NCKAP5: variants seen among roughly 807,000 people sequenced by gnomAD.
The protein encoded by NCKAP5 is nck-associated protein 5.
Under a neutral mutation model 167.0 loss-of-function variants are expected in NCKAP5, and 92 were observed. That is an observed-to-expected ratio of 0.55 (90% CI 0.47 to 0.66). NCKAP5 has a LOEUF of 0.66. Ranked by LOEUF, NCKAP5 falls within the 30% of genes least tolerant of loss-of-function variation. The probability of loss-of-function intolerance (pLI) is 0.00; values close to 1 mark genes in which losing one functional copy is unlikely to be tolerated. For synonymous variants in NCKAP5, 891 were observed against 877.4 expected (o/e 1.02, Z -0.27); for missense variants, 2,378 against 2,315.0 (o/e 1.03, Z -0.56).
chr2:132,973,278 A>G (rs1391247533), intron 7 of NCKAP5, among the ~76,000 whole-genome samples: 1 of 152,194 alleles, frequency 6.6e-6, no homozygotes, highest in African/African-American at 2.4e-5. Flanking sequence ...TTTGACAGTC[A>G]ACCTTCTTGC....
At chr2:133,647,360 G>GAAAGA in the NCKAP5 span, among the ~76,000 whole-genome samples, 1,985 of 99,668 alleles carry the variant, frequency 0.02, 150 homozygotes, top group East Asian at 0.088. Context: ...GGAAAGAAAG[G>GAAAGA]AAGGAAGGAA....
intron 6 of NCKAP5, among the ~76,000 whole-genome samples, chr2:133,082,939 C>T (rs1464387506): frequency 6.6e-6 from 1 of 152,120 alleles, no homozygotes; most frequent in Non-Finnish European, 1.5e-5. Flanking sequence ...GCAAATGCCA[C>T]ATCCCACTCT....
chr2:133,636,063 G>C, the NCKAP5 span, among the ~76,000 whole-genome samples: 2 of 152,236 alleles, frequency 1.3e-5, no homozygotes, highest in Non-Finnish European at 2.9e-5. Flanking sequence ...CACAGAGCTT[G>C]ATAGCTGAGG....
the NCKAP5 span, among the ~76,000 whole-genome samples, chr2:133,606,974 T>C: frequency 5.3e-5 from 8 of 152,138 alleles, no homozygotes; most frequent in Non-Finnish European, 1.2e-4. Flanking sequence ...TTCATCCACC[T>C]AGGATATCAG....
chr2:133,533,155 T>C (rs1444360100), intron 2 of NCKAP5, among the ~76,000 whole-genome samples: 1 of 152,196 alleles, frequency 6.6e-6, no homozygotes, highest in Non-Finnish European at 1.5e-5. Flanking sequence ...AAATGACTAA[T>C]ATGTTGGGAA....
At chr2:132,973,672 T>C (rs952671811) in intron 7 of NCKAP5, among the ~76,000 whole-genome samples, 3 of 152,050 alleles carry the variant, frequency 2.0e-5, no homozygotes, top group African/African-American at 7.2e-5. Context: ...AATAAAACTT[T>C]CGTGCTTCTT....
chr2:133,303,888 C>T (rs1680586498), intron 3 of NCKAP5, among the ~76,000 whole-genome samples: 1 of 152,180 alleles, frequency 6.6e-6, no homozygotes, highest in African/African-American at 2.4e-5. Flanking sequence ...ATGGTGTTTC[C>T]TTTGCTAACC....
intron 8 of NCKAP5, among the ~76,000 whole-genome samples, chr2:132,908,344 T>C (rs953234224): frequency 1.3e-5 from 2 of 152,184 alleles, no homozygotes; most frequent in African/African-American, 2.4e-5. Flanking sequence ...TTCTTTTCTT[T>C]CTTTCCTAAG....
intron 19 of NCKAP5, among the ~76,000 whole-genome samples, chr2:132,697,400 C>G (rs773181450): frequency 2.0e-5 from 3 of 152,208 alleles, no homozygotes; most frequent in Admixed American, 6.5e-5. Context: ...TCATCTTTGT[C>G]ATTCTTCACT....
chr2:133,443,318 G>A (rs947924203), intron 3 of NCKAP5, among the ~76,000 whole-genome samples: 6 of 152,098 alleles, frequency 3.9e-5, no homozygotes, highest in Admixed American at 6.5e-5. Flanking sequence ...CCTTTGCTCC[G>A]GATAGTTCTC....
intron 4 of NCKAP5, among the ~76,000 whole-genome samples, chr2:133,287,595 T>C (rs537671420): frequency 4.6e-4 from 70 of 152,340 alleles, no homozygotes; most frequent in African/African-American, 1.6e-3. Flanking sequence ...TAGTCATCAT[T>C]TGATGTGTAA....
At chr2:133,299,445 G>A (rs187571546) in intron 4 of NCKAP5, among the ~76,000 whole-genome samples, 1 of 152,002 alleles carries the variant, frequency 6.6e-6, no homozygotes, top group Non-Finnish European at 1.5e-5. Context: ...ATGCCGCAAG[G>A]AGATGAAAAG....
At chr2:133,578,022 A>T in the NCKAP5 span, among the ~76,000 whole-genome samples, 1 of 152,190 alleles carries the variant, frequency 6.6e-6, no homozygotes, top group Non-Finnish European at 1.5e-5. Context: ...TGGTCACCCT[A>T]AGCCTACTAC....
intron 3 of NCKAP5, among the ~76,000 whole-genome samples, chr2:133,493,836 A>G (rs979312152): frequency 6.6e-6 from 1 of 152,248 alleles, no homozygotes; most frequent in Non-Finnish European, 1.5e-5. Flanking sequence ...ATGATGTGAC[A>G]AAGATCAGGC....
intron 19 of NCKAP5, among the ~76,000 whole-genome samples, chr2:132,695,766 C>G (rs1687248480): frequency 6.6e-6 from 1 of 152,276 alleles, no homozygotes; most frequent in Admixed American, 6.5e-5. Context: ...CCACCATCAC[C>G]CATATTTGCA....
chr2:133,490,976 A>G (rs899708204), intron 3 of NCKAP5, among the ~76,000 whole-genome samples: 6 of 152,216 alleles, frequency 3.9e-5, no homozygotes, highest in Admixed American at 1.3e-4. Flanking sequence ...TACTTTTCCA[A>G]AAGAACCAGA....
the NCKAP5 span, among the ~76,000 whole-genome samples, chr2:133,660,450 T>G: frequency 1.3e-5 from 2 of 152,222 alleles, no homozygotes; most frequent in African/African-American, 2.4e-5. Context: ...TAGAATAACA[T>G]ACACCAATGT....
intron 11 of NCKAP5, among the ~76,000 whole-genome samples, chr2:132,848,705 C>G (rs982612076): frequency 2.0e-5 from 3 of 152,130 alleles, no homozygotes; most frequent in Non-Finnish European, 4.4e-5. Context: ...TGTCTGTAGT[C>G]CCAGCTACTC....
the NCKAP5 span, among the ~76,000 whole-genome samples, chr2:133,601,069 C>T: frequency 1.3e-5 from 2 of 152,224 alleles, no homozygotes; most frequent in African/African-American, 4.8e-5. Context: ...GCAGTCTTTA[C>T]GGCGCCTTGT....
Sources: allele counts gnomAD v4.1 joint callset (sites outside exome capture counted in the v4.1 genomes callset), GRCh38; gene constraint gnomAD v4.1.1; transcripts MANE v1.5; gene names NCBI Gene and HGNC (gene_info 2026-07-23, HGNC 2026-07-21).